The following FRMD5 variants were observed in gnomAD, a reference collection of about 807,000 sequenced individuals.
FRMD5 encodes the protein FERM domain-containing protein 5.
Under a neutral mutation model 69.0 loss-of-function variants are expected in FRMD5, and 20 were observed. The observed-to-expected ratio is 0.29, with a 90% confidence interval of 0.20 to 0.42. The LOEUF (loss-of-function observed/expected upper bound fraction) is 0.42. Ranked by LOEUF, FRMD5 falls within the 10% of genes least tolerant of loss-of-function variation. The probability of loss-of-function intolerance (pLI) is 1.00; values close to 1 mark genes in which losing one functional copy is unlikely to be tolerated. For synonymous variants in FRMD5, 271 were observed against 260.1 expected (o/e 1.04, Z -0.40); for missense variants, 595 against 708.6 (o/e 0.84, Z 1.82).
intron 1 of FRMD5, among the ~76,000 whole-genome samples, chr15:44,110,868 T>G (rs1459973338): frequency 2.0e-5 from 3 of 152,236 alleles, no homozygotes; most frequent in Non-Finnish European, 4.4e-5. Flanking sequence ...GTATAATCTT[T>G]GAAAAGTGCT....
intron 1 of FRMD5, among the ~76,000 whole-genome samples, chr15:44,001,250 GTTAT>G (rs1002240534): frequency 6.6e-5 from 10 of 152,152 alleles, no homozygotes; most frequent in Admixed American, 1.3e-4. Flanking sequence ...TTTAAATCAT[GTTAT>G]TTGTTTTTCT....
chr15:44,056,275 G>A (rs1892864761), intron 1 of FRMD5, among the ~76,000 whole-genome samples: 1 of 152,138 alleles, frequency 6.6e-6, no homozygotes, highest in Non-Finnish European at 1.5e-5. Context: ...AGGAAAACTA[G>A]CATACAAACA....
chr15:43,989,352 G>A (rs1312131411), intron 1 of FRMD5: 1 of 786,070 alleles, frequency 1.3e-6, no homozygotes, highest in South Asian at 1.3e-5. Context: ...TGGAGTTGAA[G>A]GTAGTTTCAT....
intron 1 of FRMD5, among the ~76,000 whole-genome samples, chr15:44,122,437 A>C (rs892103587): frequency 6.6e-6 from 1 of 151,914 alleles, no homozygotes; most frequent in Non-Finnish European, 1.5e-5. Context: ...ATGGTGGTGC[A>C]TGCCTGTAGT....
chr15:43,941,806 G>A (rs2089868643), intron 1 of FRMD5, among the ~76,000 whole-genome samples: 1 of 152,146 alleles, frequency 6.6e-6, no homozygotes, highest in Admixed American at 6.5e-5. Flanking sequence ...CTAACTTTGA[G>A]TTGTATACTG....
chr15:44,176,228 A>T (rs995281484), intron 1 of FRMD5, among the ~76,000 whole-genome samples: 4 of 152,190 alleles, frequency 2.6e-5, no homozygotes, highest in African/African-American at 4.8e-5. Context: ...ATAAACCCAT[A>T]TATTTATGGT....
chr15:43,882,366 CT>C (rs369563676), intron 13 of FRMD5, among the ~76,000 whole-genome samples: 4 of 148,966 alleles, frequency 2.7e-5, no homozygotes, highest in Admixed American at 6.7e-5. Flanking sequence ...AAATTTCTTT[CT>C]TTTTTTTTTG....
At chr15:43,961,844 A>G (rs2090206878) in intron 1 of FRMD5, among the ~76,000 whole-genome samples, 2 of 152,222 alleles carry the variant, frequency 1.3e-5, no homozygotes, top group Admixed American at 1.3e-4. Flanking sequence ...GCCTTTGACA[A>G]AATTCAACAA....
chr15:44,120,422 C>A (rs2615294), intron 1 of FRMD5, among the ~76,000 whole-genome samples: 137,306 of 151,864 alleles, frequency 0.9, 62,560 homozygotes, highest in East Asian at 1. Flanking sequence ...ATAAGAGATT[C>A]ATGTATAGGT....
chr15:43,939,028 A>AT (rs879633615), intron 1 of FRMD5, among the ~76,000 whole-genome samples: 3,419 of 143,416 alleles, frequency 0.024, 100 homozygotes, highest in African/African-American at 0.066. Flanking sequence ...CATCCGGCTA[A>AT]TTTTTTTTTT....
At chr15:44,153,595 A>G (rs901591249) in intron 1 of FRMD5, among the ~76,000 whole-genome samples, 5 of 152,244 alleles carry the variant, frequency 3.3e-5, no homozygotes, top group Non-Finnish European at 5.9e-5. Flanking sequence ...TCAGTTTTAC[A>G]GATGAAAAAG....
At chr15:44,156,319 T>C (rs2077527471) in intron 1 of FRMD5, among the ~76,000 whole-genome samples, 1 of 152,094 alleles carries the variant, frequency 6.6e-6, no homozygotes, top group Admixed American at 6.5e-5. Flanking sequence ...AACTGTTGTA[T>C]TTTTAGTAGA....
chr15:44,020,702 T>C (rs950264154), intron 1 of FRMD5, among the ~76,000 whole-genome samples: 3 of 152,232 alleles, frequency 2.0e-5, no homozygotes, highest in African/African-American at 2.4e-5. Context: ...TCACAAGTAA[T>C]AGCTATAGAG....
intron 1 of FRMD5, among the ~76,000 whole-genome samples, chr15:44,166,395 T>G (rs2077709052): frequency 6.6e-6 from 1 of 152,228 alleles, no homozygotes; most frequent in African/African-American, 2.4e-5. Context: ...AGCTATTGGC[T>G]TTGATGTTTC....
intron 1 of FRMD5, among the ~76,000 whole-genome samples, chr15:43,984,850 G>A (rs1000132601): frequency 2.0e-5 from 3 of 152,052 alleles, no homozygotes; most frequent in Non-Finnish European, 4.4e-5. Context: ...CAGGCATGGT[G>A]GCATACACCT....
chr15:43,962,045 T>G (rs1465035134), intron 1 of FRMD5, among the ~76,000 whole-genome samples: 1 of 152,172 alleles, frequency 6.6e-6, no homozygotes, highest in African/African-American at 2.4e-5. Flanking sequence ...GTGTTGGAAG[T>G]TCTGGCCAGG....
chr15:44,014,415 T>C (rs1279334128), intron 1 of FRMD5, among the ~76,000 whole-genome samples: 1 of 152,188 alleles, frequency 6.6e-6, no homozygotes, highest in African/African-American at 2.4e-5. Context: ...TTAACCTCTC[T>C]ATATCCCATT....
At chr15:44,000,517 T>G (rs1411387841) in intron 1 of FRMD5, among the ~76,000 whole-genome samples, 1 of 151,296 alleles carries the variant, frequency 6.6e-6, no homozygotes, top group African/African-American at 2.4e-5. Context: ...TGGAGTGCAG[T>G]GTCACAATCT....
intron 1 of FRMD5, among the ~76,000 whole-genome samples, chr15:44,190,318 G>A (rs910908270): frequency 2.0e-5 from 3 of 152,178 alleles, no homozygotes; most frequent in Non-Finnish European, 4.4e-5. Flanking sequence ...GAGGCTGTGA[G>A]GAGGTCTGTC....
Sources: allele counts gnomAD v4.1 joint callset (sites outside exome capture counted in the v4.1 genomes callset), GRCh38; gene constraint gnomAD v4.1.1; transcripts MANE v1.5; gene names NCBI Gene and HGNC (gene_info 2026-07-23, HGNC 2026-07-21).